BACC1: variants seen among roughly 807,000 people sequenced by gnomAD.
The protein encoded by BACC1 is BPTF associated chromatin complex component 1.
At chr17:7,015,950 A>T in the BACC1 span, 7 of 1,263,856 alleles carry the variant, frequency 5.5e-6, no homozygotes, top group African/African-American at 8.8e-5. Context: ...CATCGTCCTC[A>T]GAACTCCTTT....
At chr17:7,017,098 G>T in the BACC1 span, 1 of 1,530,520 alleles carries the variant, frequency 6.5e-7, no homozygotes, top group Non-Finnish European at 9.0e-7. Flanking sequence ...CTCCGCAGGG[G>T]CCCCTCCCTT....
At chr17:7,017,060 A>G in the BACC1 span, 1 of 1,573,250 alleles carries the variant, frequency 6.4e-7, no homozygotes, top group Non-Finnish European at 8.7e-7. Context: ...TTGGGGAGAA[A>G]GGGCTCACCT....
chr17:7,015,274 A>C, the BACC1 span: 1 of 1,416,978 alleles, frequency 7.1e-7, no homozygotes, highest in Non-Finnish European at 9.2e-7. Context: ...GTGGCACAGC[A>C]CAGAGTCGGT....
At chr17:7,017,149 G>A in the BACC1 span, 40 of 1,557,486 alleles carry the variant, frequency 2.6e-5, no homozygotes, top group Middle Eastern at 1.5e-3. Flanking sequence ...CATACACAGC[G>A]CAGGGCATTG....
At chr17:7,015,337 A>G in the BACC1 span, 4 of 1,373,194 alleles carry the variant, frequency 2.9e-6, no homozygotes, top group Non-Finnish European at 3.7e-6. Flanking sequence ...AAATACAGAC[A>G]GGCCCATAGC....
the BACC1 span, chr17:7,015,111 A>G: frequency 6.3e-7 from 1 of 1,580,928 alleles, no homozygotes; most frequent in Non-Finnish European, 8.5e-7. Flanking sequence ...AAGCTCGGGG[A>G]GCTGACGATG....
the BACC1 span, chr17:7,015,500 C>A: frequency 7.3e-7 from 1 of 1,374,822 alleles, no homozygotes; most frequent in African/African-American, 1.5e-5. Context: ...GAGTTGGTTT[C>A]AGTGTGCTGT....
At chr17:7,015,226 T>C in the BACC1 span, 3 of 1,478,586 alleles carry the variant, frequency 2.0e-6, no homozygotes, top group East Asian at 2.8e-5. Context: ...ACACGGACCC[T>C]CTCTAGCACA....
At chr17:7,016,410 C>G in the BACC1 span, 1 of 1,452,790 alleles carries the variant, frequency 6.9e-7, no homozygotes, top group East Asian at 2.3e-5. Flanking sequence ...TATGAAGGGA[C>G]TCCCAGAACC....
the BACC1 span, chr17:7,016,947 C>A: frequency 6.2e-7 from 1 of 1,614,088 alleles, no homozygotes; most frequent in Non-Finnish European, 8.5e-7. Context: ...CCGATGCCAA[C>A]AGTGACGTGG....
chr17:7,015,519 G>A, the BACC1 span: 20 of 1,410,900 alleles, frequency 1.4e-5, no homozygotes, highest in East Asian at 4.2e-4. Flanking sequence ...GTGTACAGCA[G>A]CCGTTTAACG....
the BACC1 span, chr17:7,016,428 C>T: frequency 5.2e-6 from 8 of 1,547,430 alleles, no homozygotes; most frequent in Non-Finnish European, 7.0e-6. Flanking sequence ...ACCCCTTCCC[C>T]TCCCGTCCCC....
At chr17:7,017,186 G>A in the BACC1 span, 7 of 1,603,786 alleles carry the variant, frequency 4.4e-6, no homozygotes, top group Non-Finnish European at 6.0e-6. Flanking sequence ...GGTGTTTCAG[G>A]GAGGTGGGAG....
chr17:7,016,953 C>G, the BACC1 span: 1 of 1,614,048 alleles, frequency 6.2e-7, no homozygotes, highest in Non-Finnish European at 8.5e-7. Context: ...CCAACAGTGA[C>G]GTGGTGGATA....
chr17:7,015,806 T>C, the BACC1 span: 1 of 1,614,028 alleles, frequency 6.2e-7, no homozygotes, highest in Non-Finnish European at 8.5e-7. Flanking sequence ...ATAGAGATGC[T>C]GAGGGCTGCT....
the BACC1 span, chr17:7,015,149 CCTG>C: frequency 6.3e-7 from 1 of 1,575,044 alleles, no homozygotes; most frequent in Non-Finnish European, 8.6e-7. Context: ...CGACTCTTCT[CCTG>C]CGGGGTACGT....
the BACC1 span, chr17:7,016,405 A>G: frequency 1.4e-6 from 2 of 1,429,700 alleles, no homozygotes; most frequent in Non-Finnish European, 9.6e-7. Context: ...ATTCTTATGA[A>G]GGGACTCCCA....
the BACC1 span, chr17:7,015,611 A>G: frequency 7.4e-7 from 1 of 1,358,022 alleles, no homozygotes; most frequent in Non-Finnish European, 9.8e-7. Context: ...GCAGGGCCTC[A>G]AGAGCTTTCC....
the BACC1 span, chr17:7,017,268 C>T: frequency 6.2e-7 from 1 of 1,614,144 alleles, no homozygotes. Context: ...CAGCCTGACC[C>T]TGGATTCTGG....
Sources: allele counts gnomAD v4.1 joint callset, GRCh38; gene constraint gnomAD v4.1.1; transcripts MANE v1.5; gene names NCBI Gene and HGNC (gene_info 2026-07-23, HGNC 2026-07-21).